ELMO1: variants seen among roughly 807,000 people sequenced by gnomAD.
ELMO1 encodes the protein engulfment and cell motility 1.
A neutral mutation model predicts 98.9 loss-of-function variants in ELMO1; 26 were observed. The ratio of observed to expected loss-of-function variants is 0.26; its 90% CI spans 0.19 to 0.36. ELMO1 has a LOEUF of 0.36. Among genes scored for constraint, ELMO1 ranks in the 10% least tolerant of loss-of-function variants. The probability of loss-of-function intolerance (pLI) is 1.00; values close to 1 mark genes in which losing one functional copy is unlikely to be tolerated. For missense variants in ELMO1, 627 were observed against 935.2 expected (o/e 0.67, Z 4.30); for synonymous variants, 346 against 346.0 (o/e 1.00, Z 0.00).
At chr7:36,996,660 T>G (rs775062276) in intron 16 of ELMO1, among the ~76,000 whole-genome samples, 11 of 152,130 alleles carry the variant, frequency 7.2e-5, no homozygotes, top group Non-Finnish European at 1.3e-4. Context: ...GTAAGTTAAG[T>G]GCTACAAGAG....
intron 16 of ELMO1, among the ~76,000 whole-genome samples, chr7:36,964,937 T>G (rs73688410): frequency 0.021 from 3,233 of 152,258 alleles, 44 homozygotes; most frequent in Middle Eastern, 0.037. Context: ...GTACAAGTTC[T>G]CCAACTGGCC....
intron 13 of ELMO1, among the ~76,000 whole-genome samples, chr7:37,200,588 G>A (rs1792231910): frequency 6.6e-6 from 1 of 152,142 alleles, no homozygotes; most frequent in Non-Finnish European, 1.5e-5. Flanking sequence ...TCAGTGAAGT[G>A]TGCAACCAAA....
At chr7:37,385,030 A>C (rs1802738018) in intron 1 of ELMO1, among the ~76,000 whole-genome samples, 1 of 152,204 alleles carries the variant, frequency 6.6e-6, no homozygotes, top group Non-Finnish European at 1.5e-5. Flanking sequence ...AATCGTAAAC[A>C]CTGTCTAGGA....
At chr7:37,376,438 C>T (rs997600855) in intron 1 of ELMO1, among the ~76,000 whole-genome samples, 1 of 152,162 alleles carries the variant, frequency 6.6e-6, no homozygotes, top group Non-Finnish European at 1.5e-5. Flanking sequence ...TATAACTTCG[C>T]TAATTGTTTT....
At chr7:36,995,416 G>A (rs1011920949) in intron 16 of ELMO1, among the ~76,000 whole-genome samples, 19 of 151,986 alleles carry the variant, frequency 1.3e-4, no homozygotes, top group African/African-American at 4.3e-4. Context: ...GCTGAGGCAG[G>A]AGAATCGCTT....
At chr7:37,340,548 C>T (rs905963844) in intron 2 of ELMO1, among the ~76,000 whole-genome samples, 2 of 152,076 alleles carry the variant, frequency 1.3e-5, no homozygotes, top group Admixed American at 1.3e-4. Context: ...GTGGAAAATC[C>T]GGTGAAATCC....
intron 13 of ELMO1, among the ~76,000 whole-genome samples, chr7:37,148,190 A>G (rs1230101463): frequency 6.6e-6 from 1 of 152,196 alleles, no homozygotes; most frequent in Non-Finnish European, 1.5e-5. Flanking sequence ...GACAGAAATG[A>G]TACATTTCAT....
intron 16 of ELMO1, among the ~76,000 whole-genome samples, chr7:36,975,978 G>T (rs1197996488): frequency 6.6e-6 from 1 of 151,998 alleles, no homozygotes; most frequent in Non-Finnish European, 1.5e-5. Context: ...GTTGGAAATT[G>T]TTATCAATAT....
At chr7:36,921,090 T>C (rs1400851494) in intron 16 of ELMO1, among the ~76,000 whole-genome samples, 1 of 152,038 alleles carries the variant, frequency 6.6e-6, no homozygotes, top group Admixed American at 6.5e-5. Flanking sequence ...GCATCATCTA[T>C]GGAGCAGGAA....
At position 36,854,563 on chromosome 7, in the gene ELMO1, A is replaced by C. The variant is rs1802064045; in HGVS notation, c.*988T>G. 6.6e-6 allele frequency: 1 copy of C among 151,944 alleles called. No homozygotes were observed. The highest frequency in any genetic ancestry group is 2.4e-5 in the African/African-American group (1 of 41,086). 9.4% of individuals were successfully genotyped at this position (151,944 alleles called of 1,614,324 possible). ...CAAAAAAAAAAAAAAAAACTAACCCAAAACTCTTGCAAATTGTAAATACCA... is the reference window on the plus strand; with the variant it reads ...CAAAAAAAAAAAAAAAAACTAACCCCAAACTCTTGCAAATTGTAAATACCA... On this transcript the variant is annotated 3_prime_UTR_variant, in exon 22 of 22. Transcript: ENST00000310758.
chr7:37,266,224 C>A (rs1163363694), intron 5 of ELMO1, among the ~76,000 whole-genome samples: 1 of 151,424 alleles, frequency 6.6e-6, no homozygotes, highest in Non-Finnish European at 1.5e-5. Context: ...GTTTCTCAAA[C>A]CAGGAGAGAA....
intron 14 of ELMO1, chr7:37,116,682 A>T (rs1332276558): frequency 6.6e-6 from 1 of 152,022 alleles, no homozygotes; most frequent in Non-Finnish European, 1.5e-5. Flanking sequence ...AAAAAAAAAA[A>T]AAGAAAAGAG....
At chr7:37,233,004 G>A in intron 8 of ELMO1, 91 bp downstream of exon 8, 11 of 1,133,894 alleles carry the variant, frequency 9.7e-6, no homozygotes, top group South Asian at 1.6e-5. Context: ...AGAACTAAAG[G>A]AAAGACAATT....
At chr7:37,056,383 T>C (rs1048975254) in intron 15 of ELMO1, among the ~76,000 whole-genome samples, 4 of 152,190 alleles carry the variant, frequency 2.6e-5, no homozygotes. Context: ...GAATTCCTAC[T>C]GCAACCTCTT....
chr7:36,879,794 T>C (rs1214216832), intron 18 of ELMO1, among the ~76,000 whole-genome samples: 4 of 152,256 alleles, frequency 2.6e-5, no homozygotes, highest in Admixed American at 1.3e-4. Flanking sequence ...TTGCTAAATT[T>C]CAAAATTATG....
At chr7:37,220,975 G>A (rs17170940) in intron 10 of ELMO1, among the ~76,000 whole-genome samples, 10,715 of 152,152 alleles carry the variant, frequency 0.07, 1,264 homozygotes, top group African/African-American at 0.24. Context: ...GTATGTACAC[G>A]GTGAGAGCTT....
intron 16 of ELMO1, among the ~76,000 whole-genome samples, chr7:37,010,134 T>C (rs145474093): frequency 3.9e-5 from 6 of 152,278 alleles, no homozygotes; most frequent in African/African-American, 1.4e-4. Flanking sequence ...TAATTATATC[T>C]GCATCTGAGC....
chr7:37,111,824 A>G (rs1489982870), intron 14 of ELMO1, among the ~76,000 whole-genome samples: 1 of 152,362 alleles, frequency 6.6e-6, no homozygotes, highest in African/African-American at 2.4e-5. Flanking sequence ...CCAAGCTATC[A>G]GCAGAACTGA....
intron 16 of ELMO1, among the ~76,000 whole-genome samples, chr7:36,970,197 A>ACG (rs1584455387): frequency 6.7e-6 from 1 of 150,014 alleles, no homozygotes. Context: ...ACACACACAC[A>ACG]CACACACACA....
Sources: gnomAD v4.1 joint callset for allele counts (sites outside exome capture counted in the v4.1 genomes callset) on GRCh38, gnomAD v4.1.1 for gene constraint, MANE v1.5 for transcripts, NCBI Gene and HGNC (gene_info 2026-07-23, HGNC 2026-07-21) for gene names.